The following CLSTN3 variants were observed in gnomAD, a reference collection of about 807,000 sequenced individuals.
CLSTN3 encodes calsyntenin-3.
A neutral mutation model predicts 95.9 loss-of-function variants in CLSTN3; 36 were observed. The observed-to-expected ratio is 0.38, with a 90% CI of 0.29 to 0.50. CLSTN3 has a LOEUF of 0.50. CLSTN3 is among the 20% of genes least tolerant of loss of function. CLSTN3 has a pLI of 0.95. For missense variants in CLSTN3, 1,084 were observed against 1,268.8 expected (o/e 0.85, Z 2.21); for synonymous variants, 481 against 504.0 (o/e 0.95, Z 0.61).
rs1049159855 is a variant in CLSTN3 at position 7,147,883 on chromosome 12, G to A, written c.1848-1089G>A. On this transcript the variant is annotated intron_variant, in intron 12 of 17. Coordinates refer to ENST00000266546, the MANE Select transcript of CLSTN3 (RefSeq NM_014718.4). ...TAATGAAATAATATGGGCCAGGTGC[G>A]GTGGCTCACGCCTGTAATCCCAGCA... Among the ~76,000 whole-genome samples, 4 of 152,150 alleles carry A rather than the reference G, an allele frequency of 2.6e-5. No homozygotes were observed. The East Asian group carries it at 5.8e-4, about 22-fold the overall frequency.
intron 16 of CLSTN3, among the ~76,000 whole-genome samples, chr12:7,152,973 G>C (rs908718304): frequency 6.6e-6 from 1 of 152,198 alleles, no homozygotes; most frequent in Non-Finnish European, 1.5e-5. Flanking sequence ...TATAATTAGG[G>C]GGAGCCCCTG....
At chr12:7,153,087 CTTATT>C (rs369624390) in intron 16 of CLSTN3, among the ~76,000 whole-genome samples, 2 of 152,296 alleles carry the variant, frequency 1.3e-5, no homozygotes, top group African/African-American at 2.4e-5. Context: ...TACACTGTCT[CTTATT>C]TTATTTTATT....
At chr12:7,146,935 T>C (rs1477801617) in intron 12 of CLSTN3, among the ~76,000 whole-genome samples, 4 of 152,182 alleles carry the variant, frequency 2.6e-5, no homozygotes, top group African/African-American at 9.7e-5. Context: ...CTCCGTGTGG[T>C]ACAGGAACTC....
At chr12:7,138,765 T>A (rs959064777) in intron 8 of CLSTN3, 1 of 147,018 alleles carries the variant, frequency 6.8e-6, no homozygotes, top group Non-Finnish European at 1.5e-5. Context: ...GAGGACTAAT[T>A]TGAGTTTTCA....
At chr12:7,148,890 G>T (rs377764159) in intron 12 of CLSTN3, 82 bp from the exon 13 acceptor site, 1 of 1,146,746 alleles carries the variant, frequency 8.7e-7, no homozygotes, top group East Asian at 2.5e-5. Flanking sequence ...AGAGGTAGCT[G>T]GGGCGGGGAG....
In CLSTN3 at chr12:7,149,483, C is replaced by T. The variant is rs779133913; in HGVS notation, c.2075-40C>T. ...GGTTGGGTCTCAGAACCTCCGTGGG[C>T]CCTTTGGCTCTGACCCAGACCCTAC... is the stretch of plus-strand genomic sequence containing the variant. On this transcript the variant is annotated intron_variant, in intron 13 of 17. Coordinates refer to ENST00000266546, the MANE Select transcript of CLSTN3 (RefSeq NM_014718.4). This position sits in a 1 kb window ranked among gnomAD's most constrained non-coding sequence, Gnocchi z 4.5. 8.9e-6 allele frequency: 14 copies of T among 1,572,502 alleles called. No homozygotes were observed. The highest frequency in any genetic ancestry group is 1.2e-5 in the Non-Finnish European group (14 of 1,154,086).
intron 8 of CLSTN3, among the ~76,000 whole-genome samples, chr12:7,140,867 A>C (rs1181895253): frequency 6.6e-6 from 1 of 152,216 alleles, no homozygotes; most frequent in Non-Finnish European, 1.5e-5. Context: ...TGATTGCACC[A>C]CTGCACTCCA....
Position 7,150,415 on chromosome 12 carries a change from C to A in CLSTN3, c.2246-129C>A, listed in dbSNP as rs551591644. 1.1e-5 allele frequency: 13 copies of A among 1,137,152 alleles called. No homozygotes were observed. Among genetic ancestry groups the A allele is most frequent in the Admixed American group, 2.6e-5 (1 of 38,338 alleles). 70.4% of individuals were successfully genotyped at this position (1,137,152 alleles called of 1,614,324 possible). A position where few individuals can be genotyped will look rare whatever the true frequency, so the allele number is the denominator to read the frequency against. ...TCCCTCCCTTCGACCTCAGGTCGCA[C>A]TTCTGCGGAGATGGGGCTGACCTGC... On this transcript the variant is annotated intron_variant, in intron 14 of 17. Coordinates refer to ENST00000266546, the MANE Select transcript of CLSTN3 (RefSeq NM_014718.4). The surrounding 1 kb of genome is among the most constrained non-coding windows in gnomAD (Gnocchi z 4.0).
intron 12 of CLSTN3, among the ~76,000 whole-genome samples, chr12:7,148,449 G>A (rs1375840195): frequency 6.6e-6 from 1 of 152,210 alleles, no homozygotes; most frequent in Non-Finnish European, 1.5e-5. Flanking sequence ...ACCTACCAAA[G>A]TGTGTTTCCC....
intron 16 of CLSTN3, among the ~76,000 whole-genome samples, chr12:7,151,745 C>G (rs1271429359): frequency 2.0e-5 from 3 of 152,094 alleles, no homozygotes; most frequent in Non-Finnish European, 4.4e-5. Context: ...CAGAAAATAT[C>G]AAATATTTCT....
At position 7,135,784 on chromosome 12, in the gene CLSTN3, T is replaced by C. The variant is rs867502331; in HGVS notation, c.593-20T>C. ...CTTTCTCCAATGCTCTAATGCTCTG[T>C]CCTCCTGACCCCACCCCAGGGAACA... On this transcript the variant is annotated intron_variant, in intron 4 of 17. Coordinates refer to ENST00000266546, the MANE Select transcript of CLSTN3 (RefSeq NM_014718.4). The C allele has an allele frequency of 1.3e-6, 2 of 1,587,748 alleles. No homozygotes were observed. Among genetic ancestry groups the C allele is most frequent in the South Asian group, 1.1e-5 (1 of 87,076 alleles).
chr12:7,138,812 G>C (rs766044615), intron 8 of CLSTN3: 1 of 135,070 alleles, frequency 7.4e-6, no homozygotes, highest in Admixed American at 8.2e-5. Flanking sequence ...TGGTGGAGTG[G>C]CTGAGTAAGC....
Position 7,150,487 on chromosome 12 carries a change from T to A in CLSTN3, c.2246-57T>A. 6.4e-7 allele frequency: 1 copy of A among 1,571,152 alleles called. No individual in the cohort carries two copies. The highest frequency in any genetic ancestry group is 8.7e-7 in the Non-Finnish European group (1 of 1,152,370). ...GCTGGTGGGAGTCCAGGAGAGAGGG[T>A]CCTGCCCAGGTCCTGCCTCCACTGG... On this transcript the variant is annotated intron_variant, in intron 14 of 17. Transcript: ENST00000266546. This position sits in a 1 kb window ranked among gnomAD's most constrained non-coding sequence, Gnocchi z 4.0.
rs1939685001 is a variant in CLSTN3, at chr12:7,149,473, C to A, written c.2075-50C>A. Reference sequence around the variant, plus strand: ...ATGAGGGCATGGTTGGGTCTCAGAACCTCCGTGGGCCCTTTGGCTCTGACC... The same window carrying A: ...ATGAGGGCATGGTTGGGTCTCAGAAACTCCGTGGGCCCTTTGGCTCTGACC... On this transcript the variant is annotated intron_variant, in intron 13 of 17. Coordinates refer to ENST00000266546, the MANE Select transcript of CLSTN3 (RefSeq NM_014718.4). This position sits in a 1 kb window ranked among gnomAD's most constrained non-coding sequence, Gnocchi z 4.5. 3 of 1,553,168 alleles carry A rather than the reference C, an allele frequency of 1.9e-6. No homozygotes were observed. Among genetic ancestry groups the A allele is most frequent in the Non-Finnish European group, 1.8e-6 (2 of 1,141,270 alleles).
chr12:7,142,760 C>G, intron 10 of CLSTN3, 109 bp from the exon 11 acceptor site: 20 of 265,258 alleles, frequency 7.5e-5, no homozygotes, highest in South Asian at 2.2e-4. Context: ...TCCTTTTTTT[C>G]TTTCTCAACT....
Position 7,157,567 on chromosome 12 carries a change from GC to G in CLSTN3, c.2607del (p.Ile870SerfsTer37), listed in dbSNP as rs750605353. ...CTCATGGTCGTCCTGGGCCTGGTGC[GC>G]ATCCATTCCCTTCACCGCCGCGTCT... Reference protein sequence around the residue: ...LVLMVVLGLVRIHSLHRRVSG... With the variant: ...LVLMVVLGLVXIHSLHRRVSG... On this transcript the variant is annotated frameshift_variant, in exon 17 of 18. Transcript: ENST00000266546. LOFTEE classifies it high-confidence loss of function. The surrounding 1 kb of genome is among the most constrained non-coding windows in gnomAD (Gnocchi z 5.9). 1.9e-6 allele frequency: 3 copies of G among 1,613,022 alleles called. No individual in the cohort carries two copies. The highest frequency in any genetic ancestry group is 2.5e-6 in the Non-Finnish European group (3 of 1,179,636).
In CLSTN3 at chr12:7,142,185, C is replaced by G. The variant is rs780892008; in HGVS notation, c.1540+46C>G. ...GGAGACCAGAGAGTTCTCATCTTCA[C>G]TTTCTGTTCTGAGATCCCTTTTCCA... On this transcript the variant is annotated intron_variant, in intron 10 of 17. Transcript: ENST00000266546. 2.1e-5 allele frequency: 32 copies of G among 1,510,200 alleles called. No individual in the cohort carries two copies. The South Asian group carries it at 3.6e-4, about 17-fold the overall frequency. 93.5% of individuals were successfully genotyped at this position (1,510,200 alleles called of 1,614,324 possible).
In CLSTN3 at chr12:7,148,998, C is replaced by T. The variant is rs978715667; in HGVS notation, c.1874C>T (p.Ser625Phe). Residue 625 changes from serine (S) to phenylalanine (F), a missense_variant, in exon 13 of 18, where the codon TCC (serine) becomes TTC (phenylalanine). Transcript: ENST00000266546. ...VKCFSEESCVSIPEVEGYVVV... is the reference protein window; with the variant it reads ...VKCFSEESCVFIPEVEGYVVV... ...TGCTTCAGCGAAGAGTCCTGCGTCTCCATCCCTGAAGTGGAGGGCTACGTG... is the reference window on the plus strand; with the variant it reads ...TGCTTCAGCGAAGAGTCCTGCGTCTTCATCCCTGAAGTGGAGGGCTACGTG... The T allele has an allele frequency of 6.2e-7, 1 of 1,614,098 alleles. No individual in the cohort carries two copies. The highest frequency in any genetic ancestry group is 1.3e-5 in the African/African-American group (1 of 74,936).
In CLSTN3 at chr12:7,149,637, C is replaced by G; in HGVS notation, c.2189C>G (p.Ser730Cys). The G allele has an allele frequency of 6.2e-7, 1 of 1,614,208 alleles. No individual in the cohort carries two copies. The highest frequency in any genetic ancestry group is 8.5e-7 in the Non-Finnish European group (1 of 1,180,032). ...GAAAGCCTGCTCCTGGACACAACCT[C>G]TCTGCAGCAGCGGGGGCTGGAGCTC... ...ERESLLLDTT[S>C]LQQRGLELTN... Residue 730 changes from serine to cysteine, a missense_variant, in exon 14 of 18, where the codon TCT becomes TGT. Coordinates refer to ENST00000266546, the MANE Select transcript of CLSTN3 (RefSeq NM_014718.4). The surrounding 1 kb of genome is among the most constrained non-coding windows in gnomAD (Gnocchi z 4.5).
Sources: gnomAD v4.1 joint callset for allele counts (sites outside exome capture counted in the v4.1 genomes callset) on GRCh38, gnomAD v4.1.1 for gene constraint, Gnocchi (gnomAD v3.1) non-coding constraint, MANE v1.5 for transcripts, NCBI Gene and HGNC (gene_info 2026-07-23, HGNC 2026-07-21) for gene names.